SZT2: variants seen among roughly 807,000 people sequenced by gnomAD.
SZT2 encodes KICSTOR complex protein SZT2.
A neutral mutation model predicts 404.2 loss-of-function variants in SZT2; 216 were observed. The ratio of observed to expected loss-of-function variants is 0.53; its 90% CI spans 0.48 to 0.60. The LOEUF is 0.60. Ranked by LOEUF, SZT2 falls within the 20% of genes least tolerant of loss-of-function variation. The pLI, the probability that SZT2 is intolerant of heterozygous loss-of-function variation, is 0.00. For missense variants in SZT2, 3,857 were observed against 4,459.2 expected (o/e 0.86, Z 3.85); for synonymous variants, 1,693 against 1,749.9 (o/e 0.97, Z 0.81).
chr1:43,443,500 T>C (rs1655312698), intron 61 of SZT2, 23 bp downstream of exon 61: 2 of 1,613,906 alleles, frequency 1.2e-6, no homozygotes, highest in Non-Finnish European at 1.7e-6. Context: ...CCCAGACTTC[T>C]AGCAGACCTT....
chr1:43,423,435 G>A lies in SZT2; in HGVS notation c.2255+119G>A. The A allele has an allele frequency of 5.9e-6, 6 of 1,010,544 alleles. No individual in the cohort carries two copies. The South Asian group carries it at 8.7e-5, about 15-fold the overall frequency. 62.6% of individuals were successfully genotyped at this position (1,010,544 alleles called of 1,614,324 possible). ...AGGTGTGGAGTGCGTGGCTTAGTGG[G>A]GTATGAGTGGTACAAAGGTGTGGAA... is the stretch of plus-strand genomic sequence containing the variant. On this transcript the variant is annotated intron_variant, in intron 15 of 71. Transcript: ENST00000634258.
In SZT2 at chr1:43,430,238, G is replaced by C. The variant is rs7522669; in HGVS notation, c.4402-73G>C. 7.0e-5 allele frequency: 111 copies of C among 1,577,452 alleles called. No individual in the cohort carries two copies. In the African/African-American group the frequency reaches 1.4e-3, roughly 20 times the overall value. On this transcript the variant is annotated intron_variant, in intron 30 of 71. Transcript: ENST00000634258. ...GATCAAGCTGTCTAAGGCAAGACAA[G>C]TGTAATCCCACTTGCCTAGGATGAG...
intron 4 of SZT2, among the ~76,000 whole-genome samples, chr1:43,413,506 GTTT>G (rs1021932398): frequency 1.7e-4 from 26 of 152,332 alleles, no homozygotes; most frequent in Admixed American, 1.4e-3. Flanking sequence ...GCACTCCCAT[GTTT>G]ATTACAGCAC....
chr1:43,447,042 G>A lies in SZT2; in HGVS notation c.9160G>A (p.Val3054Met), dbSNP rs565123375. 8 of 1,613,910 alleles carry A rather than the reference G, an allele frequency of 5.0e-6. No homozygotes were observed. Among genetic ancestry groups the A allele is most frequent in the East Asian group, 2.2e-5 (1 of 44,884 alleles). Reference sequence around the variant, plus strand: ...CAGCTATGACTTCCATCTGCGCCTCGTGCATCAGCACGTGCTAGGTGCCCA... The same window carrying A: ...CAGCTATGACTTCCATCTGCGCCTCATGCATCAGCACGTGCTAGGTGCCCA... ...SFSYDFHLRL[V>M]HQHVLGAHLV... The change falls in exon 66 of 72, where the codon GTG becomes ATG. Residue 3054 changes from valine (V) to methionine (M), a missense_variant. Physicochemically the swap from Val to Met is conservative, Grantham distance 21 (BLOSUM62 1). Transcript: ENST00000634258.
chr1:43,427,127 G>C lies in SZT2; in HGVS notation c.3381G>C (p.Arg1127Ser). The change falls in exon 24 of 72, where the codon AGG (arginine) becomes AGC (serine). Residue 1127 changes from arginine (R) to serine (S), a missense_variant. Arg to Ser is a moderately radical substitution (Grantham distance 110, BLOSUM62 -1). Transcript: ENST00000634258. ...AQPPQWRCYA[R>S]LVNPQHVFLT... ...CCCCTCAGTGGCGCTGCTATGCAAG[G>C]CTTGTGAACCCCCAGCATGTGTTTC... 1.2e-6 allele frequency: 2 copies of C among 1,614,070 alleles called. No homozygotes were observed. The highest frequency in any genetic ancestry group is 1.7e-6 in the Non-Finnish European group (2 of 1,180,006).
At chr1:43,406,269 G>GTT in intron 4 of SZT2, 1 of 327,400 alleles carries the variant, frequency 3.1e-6, no homozygotes, top group Non-Finnish European at 5.9e-6. Flanking sequence ...TGTTTTTTTT[G>GTT]TTTTTTTTGG....
At chr1:43,416,214 T>A in intron 6 of SZT2, 113 bp downstream of exon 6, 3 of 1,364,270 alleles carry the variant, frequency 2.2e-6, no homozygotes, top group South Asian at 2.9e-5. Context: ...GGGAAGAGGA[T>A]CTGTTTCCTT....
Position 43,430,615 on chromosome 1 carries a change from G to A in SZT2, c.4600G>A (p.Val1534Ile), listed in dbSNP as rs759909750. 2.2e-5 allele frequency: 36 copies of A among 1,614,102 alleles called. No individual in the cohort carries two copies. Among genetic ancestry groups the A allele is most frequent in the African/African-American group, 4.0e-5 (3 of 74,936 alleles). Reference protein sequence around the residue: ...AGLDSASLSDVDTVNPDEDSF... With the variant: ...AGLDSASLSDIDTVNPDEDSF... Reference sequence around the variant, plus strand: ...GCTAGACTCTGCCTCGCTGTCAGACGTAGACACTGTGAATCCTGATGAAGA... The same window carrying A: ...GCTAGACTCTGCCTCGCTGTCAGACATAGACACTGTGAATCCTGATGAAGA... Residue 1534 changes from valine to isoleucine, a missense_variant, in exon 32 of 72, where the codon GTA becomes ATA. Physicochemically the swap from Val to Ile is conservative, Grantham distance 29. Transcript: ENST00000634258.
intron 1 of SZT2, among the ~76,000 whole-genome samples, chr1:43,391,310 G>A (rs531288721): frequency 7.3e-5 from 11 of 149,726 alleles, no homozygotes; most frequent in South Asian, 2.1e-4. Flanking sequence ...GTGAAACTCC[G>A]TCTCAAAAAA....
In SZT2 at chr1:43,448,494, T is replaced by C. The variant is rs1306243767; in HGVS notation, c.9969+10T>C. On this transcript the variant is annotated intron_variant, in intron 69 of 71. Coordinates refer to ENST00000634258, the MANE Select transcript of SZT2 (RefSeq NM_001365999.1). The surrounding 1 kb of genome is among the most constrained non-coding windows in gnomAD (Gnocchi z 4.2). ...CATCGACCCCCAGCTGGTAAGGAACTGTGGGCTCCCGAAAGAGCTGGGATA... is the reference window on the plus strand; with the variant it reads ...CATCGACCCCCAGCTGGTAAGGAACCGTGGGCTCCCGAAAGAGCTGGGATA... 1.9e-6 allele frequency: 3 copies of C among 1,608,446 alleles called. No individual in the cohort carries two copies. Among genetic ancestry groups the C allele is most frequent in the Non-Finnish European group, 2.5e-6 (3 of 1,177,118 alleles).
chr1:43,415,023 GT>G, intron 4 of SZT2, 58 bp from the exon 5 acceptor site: 1 of 1,568,424 alleles, frequency 6.4e-7, no homozygotes. Context: ...CAGAGCAGAA[GT>G]GTAGTGGTCT....
intron 70 of SZT2, chr1:43,449,754 C>A: frequency 2.5e-6 from 1 of 400,940 alleles, no homozygotes. Context: ...AAGGGGACGA[C>A]AAGACAATCC....
rs1388304382 is a variant in SZT2, at chr1:43,403,191, G to A, written c.42G>A (p.Gly14=). 1 of 1,614,168 alleles carries A rather than the reference G, an allele frequency of 6.2e-7. No individual in the cohort carries two copies. Among genetic ancestry groups the A allele is most frequent in the Non-Finnish European group, 8.5e-7 (1 of 1,180,016 alleles). ...TTTGTTCCCAGGTGGAAGAAGCTGG[G>A]CAGGTGTTCCTGTTAATGAAAAAGG... The part of the protein sequence containing the change: ...ERPEPEVEEA[G]QVFLLMKKDY... Residue 14 remains glycine, a synonymous_variant, in exon 2 of 72, where the codon GGG becomes GGA. Coordinates refer to ENST00000634258, the MANE Select transcript of SZT2 (RefSeq NM_001365999.1).
In SZT2 at chr1:43,437,926, G is replaced by A; in HGVS notation, c.6508+24G>A. ...AGGTAAGGTCTGAGGAGGGGGTAGG[G>A]GAGTCGCCACATGAGGTTCCAGAAT... On this transcript the variant is annotated intron_variant, in intron 46 of 71. Coordinates refer to ENST00000634258, the MANE Select transcript of SZT2 (RefSeq NM_001365999.1). The surrounding 1 kb of genome is among the most constrained non-coding windows in gnomAD (Gnocchi z 5.3). 1.9e-6 allele frequency: 3 copies of A among 1,611,702 alleles called. No individual in the cohort carries two copies. Among genetic ancestry groups the A allele is most frequent in the Non-Finnish European group, 2.5e-6 (3 of 1,177,936 alleles).
Position 43,443,369 on chromosome 1 carries a change from C to G in SZT2, c.8517C>G (p.Thr2839=). The G allele has an allele frequency of 6.2e-7, 1 of 1,614,144 alleles. No individual in the cohort carries two copies. The highest frequency in any genetic ancestry group is 1.6e-4 in the Middle Eastern group (1 of 6,062). Residue 2839 remains threonine, a synonymous_variant, in exon 61 of 72, where the codon ACC becomes ACG. Transcript: ENST00000634258. ...TTCCCCAGGCTGGAGAGCTGGAGAC[C>G]CTGAAGCAGTCATCCCGCCTGGTGC... ...TMPISAGELE[T]LKQSSRLVHY...
At position 43,417,020 on chromosome 1, in the gene SZT2, T is replaced by C. The variant is rs1322435442; in HGVS notation, c.879+379T>C. On this transcript the variant is annotated intron_variant, in intron 7 of 71. Transcript: ENST00000634258. ...AGGGACTGCAGCTAATTTGGATTGA[T>C]GGACTGTAGGGAAGGAGGTAAAAAG... is the stretch of plus-strand genomic sequence containing the variant. Among the ~76,000 whole-genome samples the C allele has an allele frequency of 3.9e-5, 6 of 152,246 alleles. No homozygotes were observed. In the East Asian group the frequency reaches 1.2e-3, roughly 29 times the overall value.
chr1:43,404,707 C>T (rs1650092041), intron 4 of SZT2, 157 bp downstream of exon 4: 2 of 708,458 alleles, frequency 2.8e-6, no homozygotes, highest in African/African-American at 3.6e-5. Context: ...TCTCTCTCTC[C>T]TTGAGAAGAA....
In SZT2 at chr1:43,402,679, T is replaced by C. The variant is rs116360088; in HGVS notation, c.28-498T>C. Among the ~76,000 whole-genome samples the C allele has an allele frequency of 5.1e-3, 778 of 152,328 alleles. 6 individuals are homozygous for C. The highest frequency in any genetic ancestry group is 7.6e-3 in the Non-Finnish European group (514 of 68,034). ...AACTGAGAAGTGCGGGGGTGGGGAC[T>C]GTGACCCACAGAGGTTTGATTTTGA... On this transcript the variant is annotated intron_variant, in intron 1 of 71. Coordinates refer to ENST00000634258, the MANE Select transcript of SZT2 (RefSeq NM_001365999.1).
At position 43,448,145 on chromosome 1, in the gene SZT2, C is replaced by T. The variant is rs773985024; in HGVS notation, c.9630C>T (p.Arg3210=). ...TCCCCAGGCTCACTGCTGACATGCG[C>T]CGCTTCCGGAAGCCACCCAGACTGC... ...ELFPRLTADM[R]RFRKPPRLPP... is the part of the protein sequence containing the mutation. Residue 3210 remains arginine, a synonymous_variant, in exon 69 of 72, where the codon CGC becomes CGT. Coordinates refer to ENST00000634258, the MANE Select transcript of SZT2 (RefSeq NM_001365999.1). This position sits in a 1 kb window ranked among gnomAD's most constrained non-coding sequence, Gnocchi z 4.2. 1.7e-5 allele frequency: 28 copies of T among 1,609,714 alleles called. No homozygotes were observed. The African/African-American group carries it at 3.3e-4, about 19-fold the overall frequency.
Sources: allele counts gnomAD v4.1 joint callset (sites outside exome capture counted in the v4.1 genomes callset), GRCh38; gene constraint gnomAD v4.1.1; non-coding constraint Gnocchi (gnomAD v3.1); transcripts MANE v1.5; gene names NCBI Gene and HGNC (gene_info 2026-07-23, HGNC 2026-07-21).